The following GNPNAT1 variants were observed in gnomAD, a reference collection of about 807,000 sequenced individuals.
GNPNAT1 encodes glucosamine-phosphate N-acetyltransferase 1.
GNPNAT1 carries 11 observed loss-of-function variants against 19.8 expected under a neutral mutation model. The observed-to-expected ratio is 0.56, with a 90% confidence interval of 0.35 to 0.92. The LOEUF (loss-of-function observed/expected upper bound fraction) is 0.92, where lower values mean the gene tolerates loss of function less well. Among genes scored for constraint, GNPNAT1 ranks in the 40% least tolerant of loss-of-function variants. GNPNAT1 has a pLI of 0.01. For synonymous variants in GNPNAT1, 71 were observed against 72.3 expected (o/e 0.98, Z 0.09); for missense variants, 157 against 211.0 (o/e 0.74, Z 1.59).
chr14:52,783,189 A>G (rs1882933956), intron 3 of GNPNAT1, among the ~76,000 whole-genome samples: 1 of 152,104 alleles, frequency 6.6e-6, no homozygotes, highest in Non-Finnish European at 1.5e-5. Context: ...CCTAGGTCCT[A>G]TGGTACAATA....
intron 1 of GNPNAT1, among the ~76,000 whole-genome samples, chr14:52,785,681 C>T (rs1290072408): frequency 2.7e-5 from 4 of 150,604 alleles, no homozygotes; most frequent in South Asian, 2.1e-4. Flanking sequence ...GTTGAGATTG[C>T]GCCATTGCAC....
chr14:52,777,347 A>G lies in GNPNAT1; in HGVS notation c.*964T>C, dbSNP rs1470787019. ...ATTCTTCAACTTTAAAAAATTAAAT[A>G]AAATCAAAATAGGATAATGACCAGA... On this transcript the variant is annotated 3_prime_UTR_variant, in exon 6 of 6. Coordinates refer to ENST00000216410, the MANE Select transcript of GNPNAT1 (RefSeq NM_198066.4). The G allele has an allele frequency of 1.3e-5, 2 of 152,614 alleles. No homozygotes were observed. Among genetic ancestry groups the G allele is most frequent in the Non-Finnish European group, 2.9e-5 (2 of 68,044 alleles). The allele number at this position is 152,614 out of a possible 1,614,324, so 9.5% of individuals were successfully genotyped here.
At chr14:52,790,200 G>A (rs142729141) in intron 1 of GNPNAT1, among the ~76,000 whole-genome samples, 1 of 152,214 alleles carries the variant, frequency 6.6e-6, no homozygotes, top group African/African-American at 2.4e-5. Context: ...AACCAACGGA[G>A]AGCAACAAGT....
chr14:52,781,504 AGTT>A (rs2139963821), intron 4 of GNPNAT1, among the ~76,000 whole-genome samples: 1 of 152,204 alleles, frequency 6.6e-6, no homozygotes, highest in South Asian at 2.1e-4. Flanking sequence ...GTATATTCAG[AGTT>A]GTTTTTTTTA....
At chr14:52,784,979 G>A (rs981807320) in intron 1 of GNPNAT1, among the ~76,000 whole-genome samples, 3 of 145,826 alleles carry the variant, frequency 2.1e-5, no homozygotes, top group African/African-American at 2.5e-5. Flanking sequence ...AGGCTGGAGT[G>A]CAGAGGCGTG....
At chr14:52,790,572 T>TGCCCC (rs1482918948) in intron 1 of GNPNAT1, among the ~76,000 whole-genome samples, 1 of 152,194 alleles carries the variant, frequency 6.6e-6, no homozygotes, top group African/African-American at 2.4e-5. Flanking sequence ...TCCCAAGACT[T>TGCCCC]GCCCCTTAGG....
intron 4 of GNPNAT1, among the ~76,000 whole-genome samples, chr14:52,781,467 A>G (rs181483884): frequency 3.9e-4 from 59 of 152,242 alleles, no homozygotes; most frequent in African/African-American, 1.2e-3. Context: ...ACCCTTTACC[A>G]TGTGGAAACA....
Position 52,783,477 on chromosome 14 carries a change from T to G in GNPNAT1, c.163A>C (p.Lys55Gln). The stretch of plus-strand genomic sequence containing the variant: ...GTCTCTGTTAGCTGACCCAATACCT[T>G]AAAAAAACCTAGTTTTGAAAAACAG... ...CTADLNRGFF[K>Q]VLGQLTETGV... Residue 55 changes from lysine (K) to glutamine (Q), a missense_variant, in exon 3 of 6, where the codon AAG becomes CAG. Physicochemically the swap from Lys to Gln is moderately conservative, Grantham distance 53 (BLOSUM62 1). Transcript: ENST00000216410. 6.2e-7 allele frequency: 1 copy of G among 1,606,900 alleles called. No homozygotes were observed. Among genetic ancestry groups the G allele is most frequent in the Non-Finnish European group, 8.5e-7 (1 of 1,174,182 alleles).
At chr14:52,781,521 G>C (rs1457612953) in intron 4 of GNPNAT1, among the ~76,000 whole-genome samples, 1 of 151,440 alleles carries the variant, frequency 6.6e-6, no homozygotes, top group Non-Finnish European at 1.5e-5. Context: ...TTTTTTAAAA[G>C]AGTAACATTA....
At chr14:52,785,596 G>T (rs558926760) in intron 1 of GNPNAT1, among the ~76,000 whole-genome samples, 1 of 151,316 alleles carries the variant, frequency 6.6e-6, no homozygotes, top group East Asian at 2.1e-4. Flanking sequence ...GGTGGCGCAT[G>T]CCTGTAATCC....
intron 4 of GNPNAT1, among the ~76,000 whole-genome samples, 191 bp from the exon 5 acceptor site, chr14:52,780,931 T>G (rs1882879522): frequency 6.6e-6 from 1 of 152,144 alleles, no homozygotes; most frequent in Non-Finnish European, 1.5e-5. Flanking sequence ...GAAGGAGAGA[T>G]CATAGAATAT....
At position 52,788,871 on chromosome 14, in the gene GNPNAT1, AATGAAT is replaced by A. The variant is rs1430307164; in HGVS notation, c.-15+2551_-15+2556del. Among the ~76,000 whole-genome samples the A allele has an allele frequency of 6.8e-4, 103 of 152,208 alleles. 1 individual carries two copies. Among genetic ancestry groups the A allele is most frequent in the Non-Finnish European group, 1.3e-3 (86 of 68,028 alleles). On this transcript the variant is annotated intron_variant, in intron 1 of 5. Coordinates refer to ENST00000216410, the MANE Select transcript of GNPNAT1 (RefSeq NM_198066.4). ...AACTAGGATTATGAAGCCCTTAAATAATGAATTTTAACCAGGAAATACTAATATTTT... is the reference window on the plus strand; with the variant it reads ...AACTAGGATTATGAAGCCCTTAAATATTTAACCAGGAAATACTAATATTTT...
At chr14:52,783,585 T>G in intron 2 of GNPNAT1, 100 bp from the exon 3 acceptor site, 1 of 698,602 alleles carries the variant, frequency 1.4e-6, no homozygotes, top group Non-Finnish European at 2.5e-6. Context: ...GGCAATTATT[T>G]TTTCAGAACT....
intron 1 of GNPNAT1, among the ~76,000 whole-genome samples, chr14:52,785,758 T>G (rs1883000899): frequency 6.6e-6 from 1 of 151,162 alleles, no homozygotes; most frequent in Non-Finnish European, 1.5e-5. Flanking sequence ...AGCCTTTTTT[T>G]TTTTTTGAGA....
At chr14:52,781,970 G>GA (rs1347379335) in intron 3 of GNPNAT1, 59 bp from the exon 4 acceptor site, 1 of 1,458,292 alleles carries the variant, frequency 6.9e-7, no homozygotes, top group Non-Finnish European at 9.3e-7. Context: ...TGGGGAGCCA[G>GA]AAAAATATTA....
chr14:52,779,051 A>G (rs1019959509), intron 5 of GNPNAT1, among the ~76,000 whole-genome samples: 3 of 152,018 alleles, frequency 2.0e-5, no homozygotes, highest in Non-Finnish European at 4.4e-5. Context: ...GCATGTTAAC[A>G]CTAAAAACTC....
rs567085170 is a variant in GNPNAT1 at position 52,786,857 on chromosome 14, ATTTTTTTTTTTTTT to A, written c.-14-2207_-14-2194del. On this transcript the variant is annotated intron_variant, in intron 1 of 5. Coordinates refer to ENST00000216410, the MANE Select transcript of GNPNAT1 (RefSeq NM_198066.4). ...GGACCAGAAATGTTTCAGGTTTTGG[ATTTTTTTTTTTTTT>A]TTTTTTTTTTTTTTTTTTCAGATTT... Among the ~76,000 whole-genome samples the A allele has an allele frequency of 2.5e-3, 249 of 98,686 alleles. 1 individual carries two copies. The highest frequency in any genetic ancestry group is 0.012 in the Middle Eastern group (2 of 162). The allele number at this position is 98,686 out of a possible 152,430, so 64.7% of individuals were successfully genotyped here.
intron 3 of GNPNAT1, among the ~76,000 whole-genome samples, 168 bp downstream of exon 3, chr14:52,783,255 G>A (rs1378793550): frequency 6.6e-6 from 1 of 152,066 alleles, no homozygotes; most frequent in Non-Finnish European, 1.5e-5. Context: ...GGTACATTTG[G>A]ATTCTAGAAC....
chr14:52,786,240 C>T (rs903645291), intron 1 of GNPNAT1, among the ~76,000 whole-genome samples: 2 of 151,646 alleles, frequency 1.3e-5, no homozygotes, highest in African/African-American at 2.4e-5. Flanking sequence ...CATGGTGGCT[C>T]GTGCCTTTAA....
Sources: allele counts gnomAD v4.1 joint callset (sites outside exome capture counted in the v4.1 genomes callset), GRCh38; gene constraint gnomAD v4.1.1; transcripts MANE v1.5; gene names NCBI Gene and HGNC (gene_info 2026-07-23, HGNC 2026-07-21).